The following CLVS1 variants were observed in gnomAD, a reference collection of about 807,000 sequenced individuals.
CLVS1 encodes clavesin-1.
In CLVS1, 10 loss-of-function variants were observed where a neutral mutation model predicts 33.1. The ratio of observed to expected loss-of-function variants is 0.30; its 90% CI spans 0.19 to 0.51. The LOEUF is 0.51. Among genes scored for constraint, CLVS1 ranks in the 20% least tolerant of loss-of-function variants. The probability of loss-of-function intolerance (pLI) is 0.97; values close to 1 mark genes in which losing one functional copy is unlikely to be tolerated. For synonymous variants in CLVS1, 163 were observed against 166.1 expected, an observed-to-expected ratio of 0.98 and a Z score of 0.14; for missense variants, 343 against 433.4, an observed-to-expected ratio of 0.79 and a Z score of 1.85.
intron 2 of CLVS1, among the ~76,000 whole-genome samples, chr8:61,166,881 CT>C (rs1219328139): frequency 7.7e-6 from 1 of 129,224 alleles, no homozygotes; most frequent in South Asian, 2.4e-4. Context: ...TAATTTTTTT[CT>C]TTTTTTTCTT....
intron 3 of CLVS1, among the ~76,000 whole-genome samples, chr8:61,434,153 G>A (rs983933489): frequency 6.6e-6 from 1 of 152,096 alleles, no homozygotes; most frequent in Non-Finnish European, 1.5e-5. Flanking sequence ...TAAGGTGTTG[G>A]GAAGTCACTG....
intron 5 of CLVS1, among the ~76,000 whole-genome samples, chr8:61,484,556 C>G (rs1448416411): frequency 6.6e-6 from 1 of 152,226 alleles, no homozygotes; most frequent in East Asian, 1.9e-4. Flanking sequence ...CCCCATCAAG[C>G]TACCAATGAC....
intron 1 of CLVS1, among the ~76,000 whole-genome samples, chr8:61,129,750 T>C (rs946696464): frequency 1.3e-5 from 2 of 152,220 alleles, no homozygotes; most frequent in Non-Finnish European, 2.9e-5. Flanking sequence ...CCCTGTGATC[T>C]GGCTACCTTT....
chr8:61,198,932 T>C (rs1324406095), intron 2 of CLVS1, among the ~76,000 whole-genome samples: 1 of 152,216 alleles, frequency 6.6e-6, no homozygotes, highest in African/African-American at 2.4e-5. Context: ...TATTCTGTGA[T>C]GTATATGTAC....
chr8:61,070,389 A>T (rs1804771334), intron 1 of CLVS1, among the ~76,000 whole-genome samples: 1 of 152,210 alleles, frequency 6.6e-6, no homozygotes. Context: ...TATGAAAGTT[A>T]TCCTTTTTGT....
chr8:61,154,920 C>T (rs1806619695), intron 2 of CLVS1, among the ~76,000 whole-genome samples: 1 of 152,096 alleles, frequency 6.6e-6, no homozygotes, highest in Non-Finnish European at 1.5e-5. Flanking sequence ...GCTGTCCAGG[C>T]CAGCTGATGC....
chr8:61,225,142 C>G (rs1413745515), intron 2 of CLVS1, among the ~76,000 whole-genome samples: 1 of 151,884 alleles, frequency 6.6e-6, no homozygotes, highest in African/African-American at 2.4e-5. Flanking sequence ...CATGGTGAAG[C>G]CCCATTTCTA....
At chr8:61,384,628 C>T (rs1383351546) in intron 3 of CLVS1, among the ~76,000 whole-genome samples, 1 of 152,034 alleles carries the variant, frequency 6.6e-6, no homozygotes, top group African/African-American at 2.4e-5. Context: ...AGGTATTGAG[C>T]ATTTTTTAGG....
chr8:61,232,022 G>GTTTTTTTTTTTTT (rs376185436), intron 2 of CLVS1, among the ~76,000 whole-genome samples: 17 of 117,074 alleles, frequency 1.5e-4, no homozygotes, highest in African/African-American at 5.8e-4. Flanking sequence ...GGAAAGTTGT[G>GTTTTTTTTTTTTT]GTTTTTTTTT....
chr8:61,261,520 GCCCCA>G (rs1390881748), intron 2 of CLVS1, among the ~76,000 whole-genome samples: 1 of 151,982 alleles, frequency 6.6e-6, no homozygotes. Flanking sequence ...TGTTTTTGTC[GCCCCA>G]CCCCACCCCA....
chr8:61,084,549 A>T (rs1305090322), intron 1 of CLVS1, among the ~76,000 whole-genome samples: 2 of 152,212 alleles, frequency 1.3e-5, no homozygotes, highest in Non-Finnish European at 2.9e-5. Context: ...TCCTCACAAC[A>T]AAGATTTATT....
At chr8:61,329,842 G>A (rs1163571493) in intron 2 of CLVS1, among the ~76,000 whole-genome samples, 1 of 152,014 alleles carries the variant, frequency 6.6e-6, no homozygotes, top group Non-Finnish European at 1.5e-5. Flanking sequence ...CCTTCAGTTA[G>A]TAATTGCTTT....
intron 2 of CLVS1, among the ~76,000 whole-genome samples, chr8:61,208,957 T>A (rs921216255): frequency 6.6e-6 from 1 of 152,028 alleles, no homozygotes; most frequent in Admixed American, 6.6e-5. Context: ...TGGGCAGGGG[T>A]ATAATCCCAT....
chr8:61,254,232 G>C (rs1157712192), intron 2 of CLVS1, among the ~76,000 whole-genome samples: 1 of 152,208 alleles, frequency 6.6e-6, no homozygotes, highest in African/African-American at 2.4e-5. Flanking sequence ...CTGCAGAACA[G>C]CGGATATTGG....
chr8:61,431,293 A>C (rs1816104261), intron 3 of CLVS1, among the ~76,000 whole-genome samples: 1 of 152,234 alleles, frequency 6.6e-6, no homozygotes, highest in African/African-American at 2.4e-5. Flanking sequence ...AACAACGTTC[A>C]ACAGATTTCT....
At chr8:60,988,323 C>T in the CLVS1 span, among the ~76,000 whole-genome samples, 10 of 152,064 alleles carry the variant, frequency 6.6e-5, no homozygotes, top group Admixed American at 6.6e-4. Context: ...AGAGGAGGTG[C>T]AGGTAGTCTT....
intron 2 of CLVS1, among the ~76,000 whole-genome samples, chr8:61,148,802 A>T (rs1806465967): frequency 6.6e-6 from 1 of 152,214 alleles, no homozygotes. Flanking sequence ...AGGAATATAG[A>T]TGTTCAACCA....
At chr8:60,972,657 G>A in the CLVS1 span, among the ~76,000 whole-genome samples, 1 of 152,058 alleles carries the variant, frequency 6.6e-6, no homozygotes. Flanking sequence ...GGCCCTACCT[G>A]GACCAGCAAC....
chr8:61,025,840 A>G, the CLVS1 span, among the ~76,000 whole-genome samples: 1 of 152,186 alleles, frequency 6.6e-6, no homozygotes, highest in Non-Finnish European at 1.5e-5. Context: ...TAATACAATA[A>G]TTTGTTTGGT....
Sources: gnomAD v4.1 joint callset for allele counts (sites outside exome capture counted in the v4.1 genomes callset) on GRCh38, gnomAD v4.1.1 for gene constraint, MANE v1.5 for transcripts, NCBI Gene and HGNC (gene_info 2026-07-23, HGNC 2026-07-21) for gene names.